SLC22A3: variants seen among roughly 807,000 people sequenced by gnomAD.
SLC22A3 encodes EMT organic cation transporter 3.
Under a neutral mutation model 59.1 loss-of-function variants are expected in SLC22A3, and 51 were observed. The observed-to-expected ratio is 0.86, with a 90% CI of 0.69 to 1.09. SLC22A3 has a LOEUF of 1.09. SLC22A3 is among the 50% of genes least tolerant of loss of function. The pLI, the probability that SLC22A3 is intolerant of heterozygous loss-of-function variation, is 0.00. For missense variants in SLC22A3, 711 were observed against 726.3 expected (o/e 0.98, Z 0.24); for synonymous variants, 325 against 292.0 (o/e 1.11, Z -1.15).
chr6:160,376,439 G>T (rs192714783), intron 1 of SLC22A3, among the ~76,000 whole-genome samples: 62 of 152,224 alleles, frequency 4.1e-4, no homozygotes, highest in African/African-American at 1.4e-3. Context: ...TAGATCATGG[G>T]TTGATAGGTG....
chr6:160,425,934 G>A (rs1392020599), intron 5 of SLC22A3: 2 of 985,306 alleles, frequency 2.0e-6, no homozygotes, highest in Non-Finnish European at 1.2e-6. Context: ...TTCCAGAGAT[G>A]GCGTGTGCTA....
At chr6:160,374,052 G>C (rs765307403) in intron 1 of SLC22A3, among the ~76,000 whole-genome samples, 7 of 152,214 alleles carry the variant, frequency 4.6e-5, no homozygotes, top group Non-Finnish European at 1.0e-4. Context: ...CACCACTGGG[G>C]TATGAAAAAA....
intron 2 of SLC22A3, among the ~76,000 whole-genome samples, chr6:160,398,678 C>A (rs1378381850): frequency 1.3e-5 from 2 of 152,164 alleles, no homozygotes; most frequent in Admixed American, 1.3e-4. Context: ...TTTAAATATT[C>A]TTCTTCCTTA....
chr6:160,365,490 A>T (rs936652319), intron 1 of SLC22A3, among the ~76,000 whole-genome samples: 34 of 152,080 alleles, frequency 2.2e-4, no homozygotes, highest in Admixed American at 7.2e-4. Context: ...GGGCCTGAAA[A>T]TTTGCATTTC....
At chr6:160,447,210 G>C (rs151220808) in intron 9 of SLC22A3, among the ~76,000 whole-genome samples, 110 of 152,326 alleles carry the variant, frequency 7.2e-4, no homozygotes, top group Non-Finnish European at 1.1e-3. Flanking sequence ...CCAATAGGTT[G>C]AAGATACTGG....
Position 160,448,141 on chromosome 6 carries a change from A to C in SLC22A3, c.1610+323A>C, listed in dbSNP as rs533895469. Among the ~76,000 whole-genome samples the C allele has an allele frequency of 3.3e-5, 5 of 152,340 alleles. No homozygotes were observed. The East Asian group carries it at 9.6e-4, about 29-fold the overall frequency. The stretch of plus-strand genomic sequence containing the variant: ...GGAAATTGCTGGGACATACAGCAGC[A>C]GGGGATTAACAGTGTGGCTTACTCT... On this transcript the variant is annotated intron_variant, in intron 10 of 10. Coordinates refer to ENST00000275300, the MANE Select transcript of SLC22A3 (RefSeq NM_021977.4).
At chr6:160,390,418 C>G (rs913781086) in intron 1 of SLC22A3, among the ~76,000 whole-genome samples, 1 of 152,148 alleles carries the variant, frequency 6.6e-6, no homozygotes, top group African/African-American at 2.4e-5. Context: ...TCAGAACAGC[C>G]ATGGAGGGGG....
At chr6:160,447,939 T>C (rs577858927) in intron 10 of SLC22A3, 121 bp downstream of exon 10, 19 of 818,394 alleles carry the variant, frequency 2.3e-5, no homozygotes, top group East Asian at 1.8e-4. Context: ...CCTCATCTCA[T>C]ATTGTAAGCA....
intron 3 of SLC22A3, among the ~76,000 whole-genome samples, chr6:160,407,458 G>A (rs1269759972): frequency 6.6e-6 from 1 of 152,122 alleles, no homozygotes; most frequent in Non-Finnish European, 1.5e-5. Context: ...CTTCTACACT[G>A]TTATAATATG....
intron 4 of SLC22A3, among the ~76,000 whole-genome samples, chr6:160,409,350 CT>C (rs1787155987): frequency 9.0e-6 from 1 of 110,678 alleles, no homozygotes; most frequent in Non-Finnish European, 1.8e-5. Context: ...AGGATATGAA[CT>C]CATCATTTTT....
At chr6:160,386,280 C>T (rs1342684306) in intron 1 of SLC22A3, among the ~76,000 whole-genome samples, 1 of 152,190 alleles carries the variant, frequency 6.6e-6, no homozygotes, top group East Asian at 1.9e-4. Context: ...GAAGTCTGCC[C>T]TTTCCCCTTC....
At chr6:160,420,251 T>C (rs1252798601) in intron 5 of SLC22A3, among the ~76,000 whole-genome samples, 1 of 152,176 alleles carries the variant, frequency 6.6e-6, no homozygotes, top group African/African-American at 2.4e-5. Flanking sequence ...AGAATGAGAT[T>C]GCAGCCTTGG....
intron 9 of SLC22A3, among the ~76,000 whole-genome samples, chr6:160,445,644 G>C (rs557021155): frequency 6.6e-6 from 1 of 152,302 alleles, no homozygotes; most frequent in East Asian, 1.9e-4. Context: ...TCTAATAAAG[G>C]GATGGCAATG....
At chr6:160,422,032 C>T (rs1168826269) in intron 5 of SLC22A3, among the ~76,000 whole-genome samples, 5 of 152,246 alleles carry the variant, frequency 3.3e-5, no homozygotes, top group African/African-American at 1.2e-4. Context: ...TTCCAGAGCT[C>T]TGCGCAGCCA....
intron 5 of SLC22A3, among the ~76,000 whole-genome samples, chr6:160,421,118 C>T (rs1222974487): frequency 1.3e-5 from 2 of 152,230 alleles, no homozygotes; most frequent in African/African-American, 4.8e-5. Context: ...AAGCAAGATG[C>T]TGACGCTGTC....
Position 160,348,584 on chromosome 6 carries a change from T to TGCCGCGGCGCTGGCCGAGC in SLC22A3, c.168_186dup (p.Cys63ArgfsTer50). 4.6e-6 allele frequency: 7 copies of TGCCGCGGCGCTGGCCGAGC among 1,526,660 alleles called. No homozygotes were observed. The highest frequency in any genetic ancestry group is 5.2e-6 in the Non-Finnish European group (6 of 1,146,392). The allele number at this position is 1,526,660 out of a possible 1,614,324, so 94.6% of individuals were successfully genotyped here. ...ACCACTACTGGTGCCGCGGGCCAAG[T>TGCCGCGGCGCTGGCCGAGC]GCCGCGGCGCTGGCCGAGCGCTGCG... On this transcript the variant is annotated frameshift_variant, in exon 1 of 11. Transcript: ENST00000275300. LOFTEE classifies it high-confidence loss of function.
At chr6:160,434,433 A>G (rs1242573894) in intron 5 of SLC22A3, among the ~76,000 whole-genome samples, 2 of 152,178 alleles carry the variant, frequency 1.3e-5, no homozygotes, top group African/African-American at 4.8e-5. Flanking sequence ...CCTGTGTACT[A>G]TTCACTCCTG....
At chr6:160,405,604 T>A (rs1786982455) in intron 2 of SLC22A3, among the ~76,000 whole-genome samples, 1 of 152,168 alleles carries the variant, frequency 6.6e-6, no homozygotes. Flanking sequence ...AAAACTCATG[T>A]TCACCCAAAA....
chr6:160,413,182 C>T (rs1787326420), intron 5 of SLC22A3, among the ~76,000 whole-genome samples: 1 of 152,120 alleles, frequency 6.6e-6, no homozygotes, highest in South Asian at 2.1e-4. Flanking sequence ...GAGTCTGATT[C>T]CCCGAAGCAG....
Sources: allele counts gnomAD v4.1 joint callset (sites outside exome capture counted in the v4.1 genomes callset), GRCh38; gene constraint gnomAD v4.1.1; transcripts MANE v1.5; gene names NCBI Gene and HGNC (gene_info 2026-07-23, HGNC 2026-07-21).